CEP164: variants seen among roughly 807,000 people sequenced by gnomAD.
CEP164 encodes centrosomal protein of 164 kDa.
Under a neutral mutation model 182.7 loss-of-function variants are expected in CEP164, and 162 were observed. The ratio of observed to expected loss-of-function variants is 0.89; its 90% CI spans 0.78 to 1.01. The LOEUF is 1.01. Among genes scored for constraint, CEP164 ranks in the 50% least tolerant of loss-of-function variants. CEP164 has a pLI of 0.00. For missense variants in CEP164, 1,735 were observed against 1,790.4 expected, an observed-to-expected ratio of 0.97 and a Z score of 0.56; for synonymous variants, 661 against 690.0, an observed-to-expected ratio of 0.96 and a Z score of 0.66.
intron 27 of CEP164, among the ~76,000 whole-genome samples, chr11:117,407,198 AG>A (rs1280221803): frequency 2.0e-5 from 3 of 152,170 alleles, no homozygotes; most frequent in African/African-American, 7.2e-5. Context: ...GCAGAGAGCA[AG>A]GGGCTGGAAC....
At chr11:117,365,153 ACTT>A (rs2041474088) in intron 8 of CEP164, among the ~76,000 whole-genome samples, 1 of 152,188 alleles carries the variant, frequency 6.6e-6, no homozygotes, top group Admixed American at 6.5e-5. Context: ...GTGTCAGAGG[ACTT>A]ATTTGCTTGT....
At chr11:117,326,136 C>A (rs1305105704), upstream of CEP164, among the ~76,000 whole-genome samples, 1 of 152,104 alleles carries the variant, frequency 6.6e-6, no homozygotes, top group Non-Finnish European at 1.5e-5. Context: ...GTCTTTAACT[C>A]CTGACCTCAG....
At chr11:117,333,108 G>C (rs2134757969) in intron 1 of CEP164, among the ~76,000 whole-genome samples, 1 of 152,278 alleles carries the variant, frequency 6.6e-6, no homozygotes, top group Middle Eastern at 3.4e-3. Context: ...GAACTCCTGG[G>C]CTCAAGGGAT....
chr11:117,371,477 G>C lies in CEP164; in HGVS notation c.1152+11G>C. On this transcript the variant is annotated intron_variant, in intron 9 of 32. Coordinates refer to ENST00000278935, the MANE Select transcript of CEP164 (RefSeq NM_014956.5). ...TCAGACGCCAGCCAAGTAAGTCACTGTATCCCATAGGCAGGGGTTGGCTGT... is the reference window on the plus strand; with the variant it reads ...TCAGACGCCAGCCAAGTAAGTCACTCTATCCCATAGGCAGGGGTTGGCTGT... 1 of 1,599,144 alleles carries C rather than the reference G, an allele frequency of 6.3e-7. No homozygotes were observed. Among genetic ancestry groups the C allele is most frequent in the Non-Finnish European group, 8.5e-7 (1 of 1,173,406 alleles).
chr11:117,361,718 G>A (rs991996087), intron 5 of CEP164, 117 bp from the exon 6 acceptor site: 26 of 979,136 alleles, frequency 2.7e-5, no homozygotes, highest in Middle Eastern at 3.2e-4. Flanking sequence ...GCCTCTGAGC[G>A]GAGGTGGTTT....
At chr11:117,358,214 G>A (rs1809455387) in intron 5 of CEP164, among the ~76,000 whole-genome samples, 1 of 152,268 alleles carries the variant, frequency 6.6e-6, no homozygotes, top group South Asian at 2.1e-4. Flanking sequence ...ACAACTCCAC[G>A]CATAGCCCCA....
At chr11:117,360,580 C>T (rs1490641028) in intron 5 of CEP164, among the ~76,000 whole-genome samples, 1 of 152,046 alleles carries the variant, frequency 6.6e-6, no homozygotes, top group Non-Finnish European at 1.5e-5. Context: ...GCTATGTTGC[C>T]CAGGCTGGTC....
At chr11:117,391,543 A>C (rs1274774610) in intron 17 of CEP164, among the ~76,000 whole-genome samples, 1 of 151,742 alleles carries the variant, frequency 6.6e-6, no homozygotes, top group Non-Finnish European at 1.5e-5. Context: ...CGTCCTGTGG[A>C]TTTGAGAAAG....
chr11:117,366,386 C>G (rs2041637242), intron 8 of CEP164, among the ~76,000 whole-genome samples: 1 of 152,138 alleles, frequency 6.6e-6, no homozygotes, highest in African/African-American at 2.4e-5. Context: ...AGTAGGATGG[C>G]AAGAATGCAT....
rs573039071 is a variant in CEP164 at position 117,352,736 on chromosome 11, G to A, written c.393+748G>A. ...TGAGTAGTTGGGATTACAGGCATCC[G>A]CCACCACGCCTGGCTAATTTTTGTA... On this transcript the variant is annotated intron_variant, in intron 5 of 32. Transcript: ENST00000278935. Among the ~76,000 whole-genome samples the A allele has an allele frequency of 1.5e-4, 23 of 152,202 alleles. No homozygotes were observed. The South Asian group carries it at 1.7e-3, about 11-fold the overall frequency.
intron 2 of CEP164, among the ~76,000 whole-genome samples, chr11:117,338,259 G>A (rs779253998): frequency 6.6e-6 from 1 of 152,170 alleles, no homozygotes; most frequent in Non-Finnish European, 1.5e-5. Context: ...TGGTGGTTCT[G>A]TATTATAATT....
At position 117,362,478 on chromosome 11, in the gene CEP164, C is replaced by T. The variant is rs754357397; in HGVS notation, c.627C>T (p.Leu209=). 2.5e-6 allele frequency: 4 copies of T among 1,613,754 alleles called. No homozygotes were observed. Among genetic ancestry groups the T allele is most frequent in the Non-Finnish European group, 3.4e-6 (4 of 1,179,982 alleles). The change falls in exon 7 of 33, where the codon CTC becomes CTT. Residue 209 remains leucine, a synonymous_variant. Coordinates refer to ENST00000278935, the MANE Select transcript of CEP164 (RefSeq NM_014956.5). ...LGSIYEDKTA[L]SLLGLGEETN... The stretch of plus-strand genomic sequence containing the variant: ...CCATATATGAGGACAAGACTGCTCT[C>T]AGCCTCTTGGGTTTAGGAGAAGAAA...
Position 117,387,254 on chromosome 11 carries a change from A to G in CEP164, c.1776A>G (p.Leu592=), listed in dbSNP as rs767393916. The G allele has an allele frequency of 2.5e-6, 4 of 1,614,218 alleles. No individual in the cohort carries two copies. The South Asian group carries it at 4.4e-5, about 18-fold the overall frequency. ...APPEQLSEAA[L]KAMEEAVAQV... ...CAGAGCAGCTCTCAGAGGCTGCACT[A>G]AAGGCCATGGAAGAGGCAGTGGCCC... The change falls in exon 15 of 33, where the codon CTA becomes CTG. Residue 592 remains leucine (L), a synonymous_variant. Transcript: ENST00000278935.
intron 1 of CEP164, among the ~76,000 whole-genome samples, chr11:117,333,848 T>C (rs2036603977): frequency 6.6e-6 from 1 of 152,248 alleles, no homozygotes. Flanking sequence ...AGTTCTGTTA[T>C]GATAAAGGGC....
At chr11:117,358,136 G>A (rs193021472) in intron 5 of CEP164, among the ~76,000 whole-genome samples, 8 of 152,218 alleles carry the variant, frequency 5.3e-5, no homozygotes, top group Admixed American at 2.6e-4. Flanking sequence ...TATAAATATC[G>A]GATAAGCTGC....
intron 4 of CEP164, among the ~76,000 whole-genome samples, chr11:117,349,170 G>A (rs2039317869): frequency 6.6e-6 from 1 of 151,790 alleles, no homozygotes; most frequent in Non-Finnish European, 1.5e-5. Flanking sequence ...TTACAGGCAC[G>A]TGCCACCATG....
intron 1 of CEP164, among the ~76,000 whole-genome samples, chr11:117,333,971 C>T (rs1442503043): frequency 1.3e-5 from 2 of 152,170 alleles, no homozygotes; most frequent in Non-Finnish European, 2.9e-5. Flanking sequence ...TGTTAGAACA[C>T]GCTTTCCTTT....
intron 27 of CEP164, among the ~76,000 whole-genome samples, chr11:117,403,886 C>T (rs749116721): frequency 2.0e-5 from 3 of 151,940 alleles, no homozygotes; most frequent in African/African-American, 7.2e-5. Flanking sequence ...CTTGTCTTCA[C>T]GCTTTATTTC....
At chr11:117,347,491 A>G in intron 4 of CEP164, among the ~76,000 whole-genome samples, 1 of 152,148 alleles carries the variant, frequency 6.6e-6, no homozygotes, top group East Asian at 1.9e-4. Flanking sequence ...TGGGCGGATC[A>G]CTTGAGGTTG....
Sources: allele counts gnomAD v4.1 joint callset (sites outside exome capture counted in the v4.1 genomes callset), GRCh38; gene constraint gnomAD v4.1.1; transcripts MANE v1.5; gene names NCBI Gene and HGNC (gene_info 2026-07-23, HGNC 2026-07-21).